The following PALM2AKAP2 variants were observed in gnomAD, a reference collection of about 807,000 sequenced individuals.
The protein encoded by PALM2AKAP2 is PALM2-AKAP2 fusion protein.
A neutral mutation model predicts 71.5 loss-of-function variants in PALM2AKAP2; 37 were observed. The ratio of observed to expected loss-of-function variants is 0.52; its 90% CI spans 0.40 to 0.68. The LOEUF is 0.68. Among genes scored for constraint, PALM2AKAP2 ranks in the 30% least tolerant of loss-of-function variants. The probability of loss-of-function intolerance (pLI) is 0.00; values close to 1 mark genes in which losing one functional copy is unlikely to be tolerated. For missense variants in PALM2AKAP2, 1,224 were observed against 1,191.8 expected, an observed-to-expected ratio of 1.03 and a Z score of -0.40; for synonymous variants, 468 against 478.8, an observed-to-expected ratio of 0.98 and a Z score of 0.29.
chr9:109,737,148 A>G (rs1397307575), intron 1 of PALM2AKAP2, among the ~76,000 whole-genome samples: 1 of 152,210 alleles, frequency 6.6e-6, no homozygotes, highest in Non-Finnish European at 1.5e-5. Context: ...AAAGCTAGGG[A>G]TGAGTGCTCT....
chr9:109,836,694 G>A (rs1008202241), intron 1 of PALM2AKAP2, among the ~76,000 whole-genome samples: 1 of 152,200 alleles, frequency 6.6e-6, no homozygotes, highest in Non-Finnish European at 1.5e-5. Flanking sequence ...ATGACCTGAT[G>A]GAGCTGAAAA....
chr9:109,789,304 C>A (rs1169043409), intron 1 of PALM2AKAP2, among the ~76,000 whole-genome samples: 1 of 152,226 alleles, frequency 6.6e-6, no homozygotes, highest in Non-Finnish European at 1.5e-5. Context: ...CTGGTGGCCC[C>A]TTCTCCAGCC....
At chr9:109,954,986 A>C (rs10120177) in intron 6 of PALM2AKAP2, among the ~76,000 whole-genome samples, 135,631 of 152,158 alleles carry the variant, frequency 0.89, 60,706 homozygotes, top group African/African-American at 0.97. Context: ...ATCACCACCA[A>C]CACCAACACC....
At chr9:109,858,001 AG>A (rs1422036992) in intron 1 of PALM2AKAP2, among the ~76,000 whole-genome samples, 1 of 152,244 alleles carries the variant, frequency 6.6e-6, no homozygotes, top group Non-Finnish European at 1.5e-5. Flanking sequence ...CAAAATCCTA[AG>A]CCAAAAACTT....
At chr9:110,065,633 T>A (rs962411856) in intron 1 of PALM2AKAP2, among the ~76,000 whole-genome samples, 2 of 152,212 alleles carry the variant, frequency 1.3e-5, no homozygotes, top group African/African-American at 4.8e-5. Flanking sequence ...TGTGCAACCG[T>A]CCCCACCATC....
At chr9:110,141,072 C>G (rs1267262186) in intron 2 of PALM2AKAP2, among the ~76,000 whole-genome samples, 1 of 152,214 alleles carries the variant, frequency 6.6e-6, no homozygotes, top group Non-Finnish European at 1.5e-5. Context: ...AACTTTATTT[C>G]TAGCACATAA....
At chr9:110,067,335 G>A (rs1378528988) in intron 1 of PALM2AKAP2, among the ~76,000 whole-genome samples, 1 of 152,152 alleles carries the variant, frequency 6.6e-6, no homozygotes, top group Non-Finnish European at 1.5e-5. Flanking sequence ...AAATTGAAAA[G>A]GTTTGCTGAA....
rs565651373 is a variant in PALM2AKAP2 at position 109,999,488 on chromosome 9, GCCTGGGA to G, written c.497-16463_497-16457del. Among the ~76,000 whole-genome samples, 17 of 152,230 alleles carry G rather than the reference GCCTGGGA, an allele frequency of 1.1e-4. No homozygotes were observed. In the South Asian group the frequency reaches 2.7e-3, roughly 24 times the overall value. On this transcript the variant is annotated intron_variant, in intron 6 of 9. Coordinates refer to the PALM2AKAP2 transcript ENST00000302798. Reference sequence around the variant, plus strand: ...CTCCAGTTTAGGGGGATGGACTGAGGCCTGGGACCATCTGTTCCCAGTGCCCTCTGCC... The same window carrying G: ...CTCCAGTTTAGGGGGATGGACTGAGGCCATCTGTTCCCAGTGCCCTCTGCC...
intron 2 of PALM2AKAP2, among the ~76,000 whole-genome samples, chr9:110,151,186 T>G (rs1240917950): frequency 2.0e-5 from 3 of 152,222 alleles, no homozygotes; most frequent in African/African-American, 4.8e-5. Context: ...TGTATTCATT[T>G]ACTTACTTTA....
At chr9:110,157,659 T>TA (rs1836493117) in intron 3 of PALM2AKAP2, among the ~76,000 whole-genome samples, 1 of 152,104 alleles carries the variant, frequency 6.6e-6, no homozygotes, top group African/African-American at 2.4e-5. Flanking sequence ...CCCAGCCTCC[T>TA]AAAGTGCTGG....
chr9:110,005,163 A>G (rs1198989467), intron 6 of PALM2AKAP2, among the ~76,000 whole-genome samples: 1 of 151,646 alleles, frequency 6.6e-6, no homozygotes, highest in Admixed American at 6.6e-5. Context: ...GGTTTTATCT[A>G]CCTTTGGTCT....
chr9:109,890,424 G>A (rs1830061404), intron 3 of PALM2AKAP2, among the ~76,000 whole-genome samples: 1 of 152,204 alleles, frequency 6.6e-6, no homozygotes, highest in South Asian at 2.1e-4. Flanking sequence ...CTCCAGGACA[G>A]CGAACGGGTG....
intron 6 of PALM2AKAP2, among the ~76,000 whole-genome samples, chr9:109,978,804 T>C (rs903510486): frequency 4.1e-5 from 6 of 146,624 alleles, no homozygotes; most frequent in Non-Finnish European, 6.0e-5. Flanking sequence ...CAGAGCTTTT[T>C]ATTAAAAATG....
intron 6 of PALM2AKAP2, among the ~76,000 whole-genome samples, chr9:109,940,846 G>A (rs1380112799): frequency 6.6e-6 from 1 of 152,224 alleles, no homozygotes; most frequent in Admixed American, 6.5e-5. Context: ...TATATGCCAT[G>A]CTGGGGAGTT....
chr9:110,080,795 C>T (rs886994431), intron 1 of PALM2AKAP2, among the ~76,000 whole-genome samples: 2 of 152,198 alleles, frequency 1.3e-5, no homozygotes, highest in African/African-American at 4.8e-5. Context: ...TCTCCTGCCT[C>T]AGCCTCCCAA....
chr9:109,911,951 G>A (rs182215490), intron 3 of PALM2AKAP2, among the ~76,000 whole-genome samples: 2 of 152,330 alleles, frequency 1.3e-5, no homozygotes, highest in Non-Finnish European at 2.9e-5. Flanking sequence ...CAGAATGAAT[G>A]AACATACCAG....
At chr9:109,952,119 T>C (rs565903800) in intron 6 of PALM2AKAP2, among the ~76,000 whole-genome samples, 2 of 152,386 alleles carry the variant, frequency 1.3e-5, no homozygotes, top group East Asian at 3.9e-4. Flanking sequence ...ATGATCTCTG[T>C]TACAACTACT....
chr9:109,790,993 G>A (rs1421894500), intron 1 of PALM2AKAP2, among the ~76,000 whole-genome samples: 3 of 152,196 alleles, frequency 2.0e-5, no homozygotes, highest in African/African-American at 7.2e-5. Context: ...CTGAGCATGT[G>A]TGTTCAAAAT....
chr9:109,683,619 A>G (rs148142233), intron 1 of PALM2AKAP2, among the ~76,000 whole-genome samples: 294 of 152,322 alleles, frequency 1.9e-3, no homozygotes, highest in African/African-American at 6.7e-3. Context: ...GATTAGTTAC[A>G]GCAGCCCTAG....
Sources: gnomAD v4.1 joint callset for allele counts (sites outside exome capture counted in the v4.1 genomes callset) on GRCh38, gnomAD v4.1.1 for gene constraint, MANE v1.5 for transcripts, NCBI Gene and HGNC (gene_info 2026-07-23, HGNC 2026-07-21) for gene names.